The following PAK5 variants were observed in gnomAD, a reference collection of about 807,000 sequenced individuals.
PAK5 encodes the protein serine/threonine-protein kinase PAK 5.
A neutral mutation model predicts 65.9 loss-of-function variants in PAK5; 16 were observed. That is an observed-to-expected ratio of 0.24 (90% CI 0.16 to 0.37). The LOEUF (loss-of-function observed/expected upper bound fraction) is 0.37, where lower values mean the gene tolerates loss of function less well. PAK5 is among the 10% of genes least tolerant of loss of function. The probability of loss-of-function intolerance (pLI) is 1.00; values close to 1 mark genes in which losing one functional copy is unlikely to be tolerated. For synonymous variants in PAK5, 371 were observed against 354.9 expected, an observed-to-expected ratio of 1.05 and a Z score of -0.51; for missense variants, 785 against 903.9, an observed-to-expected ratio of 0.87 and a Z score of 1.69.
intron 4 of PAK5, among the ~76,000 whole-genome samples, chr20:9,572,647 A>G (rs1487226277): frequency 6.6e-6 from 1 of 152,240 alleles, no homozygotes; most frequent in Non-Finnish European, 1.5e-5. Context: ...ATGATATTTA[A>G]TAAGCAAATC....
chr20:9,617,363 T>C (rs757238506), intron 3 of PAK5, among the ~76,000 whole-genome samples: 2 of 152,214 alleles, frequency 1.3e-5, no homozygotes, highest in Non-Finnish European at 2.9e-5. Context: ...ACTCTGGGGA[T>C]TGGGCCCCAG....
intron 5 of PAK5, among the ~76,000 whole-genome samples, chr20:9,564,617 A>C (rs1227285561): frequency 1.3e-5 from 2 of 152,212 alleles, no homozygotes; most frequent in Admixed American, 1.3e-4. Context: ...CAAACTTTCT[A>C]GAAATTAACA....
At chr20:9,723,749 A>G (rs1408592445) in intron 1 of PAK5, among the ~76,000 whole-genome samples, 1 of 152,170 alleles carries the variant, frequency 6.6e-6, no homozygotes, top group Non-Finnish European at 1.5e-5. Flanking sequence ...AGCCTAGATT[A>G]GGGAACGGTC....
intron 2 of PAK5, among the ~76,000 whole-genome samples, chr20:9,687,516 T>C (rs769409717): frequency 6.6e-6 from 1 of 152,238 alleles, no homozygotes; most frequent in Non-Finnish European, 1.5e-5. Flanking sequence ...CCAAAAATAT[T>C]ACTTTACATG....
chr20:9,548,505 G>A (rs941275612), intron 7 of PAK5, among the ~76,000 whole-genome samples: 3 of 152,112 alleles, frequency 2.0e-5, no homozygotes, highest in African/African-American at 4.8e-5. Context: ...AATTTGGCAT[G>A]CACTCAATCC....
intron 2 of PAK5, among the ~76,000 whole-genome samples, chr20:9,708,625 C>T (rs991236197): frequency 3.3e-5 from 5 of 151,992 alleles, no homozygotes; most frequent in Admixed American, 2.6e-4. Context: ...TGCAAGTTGA[C>T]CTGATGGTGG....
intron 4 of PAK5, among the ~76,000 whole-genome samples, chr20:9,573,920 C>T (rs1358074279): frequency 2.0e-5 from 3 of 152,078 alleles, no homozygotes; most frequent in East Asian, 1.9e-4. Flanking sequence ...CTGCTCATCT[C>T]GAAAATGAAA....
At chr20:9,597,261 C>T (rs1759748436) in intron 3 of PAK5, among the ~76,000 whole-genome samples, 1 of 152,214 alleles carries the variant, frequency 6.6e-6, no homozygotes, top group African/African-American at 2.4e-5. Context: ...AGGCTCTCTC[C>T]ATGTCTCAGC....
intron 1 of PAK5, among the ~76,000 whole-genome samples, chr20:9,715,276 C>G (rs1438419363): frequency 6.6e-6 from 1 of 152,092 alleles, no homozygotes; most frequent in Non-Finnish European, 1.5e-5. Context: ...ATTTATGCAG[C>G]CAACAGACAC....
At chr20:9,563,205 A>T (rs927485174) in intron 5 of PAK5, among the ~76,000 whole-genome samples, 181 bp from the exon 6 acceptor site, 1 of 152,208 alleles carries the variant, frequency 6.6e-6, no homozygotes, top group Non-Finnish European at 1.5e-5. Context: ...AAAGGAATCA[A>T]GGTAGCAAAT....
chr20:9,701,332 T>G (rs902728552), intron 2 of PAK5, among the ~76,000 whole-genome samples: 1 of 152,158 alleles, frequency 6.6e-6, no homozygotes, highest in African/African-American at 2.4e-5. Context: ...GACAGCTCAG[T>G]ACATGTTGAA....
chr20:9,622,946 A>G (rs760973005), intron 3 of PAK5, among the ~76,000 whole-genome samples: 3 of 152,208 alleles, frequency 2.0e-5, no homozygotes, highest in African/African-American at 4.8e-5. Context: ...CTGAATGGAT[A>G]AGTAAGACTG....
chr20:9,665,929 C>CTGGACCCCTGGGTTA (rs2047411115), intron 2 of PAK5, among the ~76,000 whole-genome samples: 1 of 152,240 alleles, frequency 6.6e-6, no homozygotes, highest in East Asian at 1.9e-4. Context: ...TTCAGTTTTA[C>CTGGACCCCTGGGTTA]TGGACCCCTG....
chr20:9,622,909 T>G (rs540097898), intron 3 of PAK5, among the ~76,000 whole-genome samples: 17 of 152,192 alleles, frequency 1.1e-4, no homozygotes, highest in Non-Finnish European at 2.4e-4. Context: ...TCTCTCTCTG[T>G]TTCTCTCTCT....
At chr20:9,582,136 T>C (rs764737198) in intron 3 of PAK5, among the ~76,000 whole-genome samples, 16 of 152,234 alleles carry the variant, frequency 1.1e-4, no homozygotes, top group Admixed American at 5.2e-4. Context: ...AGAGTTCTCA[T>C]AGACTTCTCA....
chr20:9,591,196 T>C (rs935460514), intron 3 of PAK5, among the ~76,000 whole-genome samples: 1 of 152,152 alleles, frequency 6.6e-6, no homozygotes, highest in South Asian at 2.1e-4. Context: ...AAAGTGAGGC[T>C]CAGAGAGGCC....
intron 1 of PAK5, among the ~76,000 whole-genome samples, chr20:9,720,602 G>T (rs1180876917): frequency 6.6e-6 from 1 of 151,922 alleles, no homozygotes; most frequent in Admixed American, 6.6e-5. Flanking sequence ...CCACTCCCAG[G>T]TATATACCCC....
At chr20:9,612,279 G>A (rs556592485) in intron 3 of PAK5, among the ~76,000 whole-genome samples, 4 of 152,170 alleles carry the variant, frequency 2.6e-5, no homozygotes, top group South Asian at 2.1e-4. Context: ...TCTTAATGTC[G>A]TCTCCGTCTG....
intron 1 of PAK5, among the ~76,000 whole-genome samples, chr20:9,806,803 C>T (rs1333228602): frequency 1.3e-5 from 2 of 152,122 alleles, no homozygotes; most frequent in Admixed American, 6.5e-5. Context: ...TATAATAAAT[C>T]ACCACAAACT....
Sources: gnomAD v4.1 joint callset for allele counts (sites outside exome capture counted in the v4.1 genomes callset) on GRCh38, gnomAD v4.1.1 for gene constraint, MANE v1.5 for transcripts, NCBI Gene and HGNC (gene_info 2026-07-23, HGNC 2026-07-21) for gene names.